The following ZNF230 variants were observed in gnomAD, a reference collection of about 807,000 sequenced individuals.
ZNF230 encodes the protein zinc finger protein FDZF2.
Under a neutral mutation model 10.0 loss-of-function variants are expected in ZNF230, and 12 were observed. The observed-to-expected ratio is 1.20, with a 90% confidence interval of 0.77 to 1.95. The LOEUF is 1.95. Among genes scored for constraint, ZNF230 ranks in the 30% most tolerant of loss-of-function variants. The pLI is 0.00. For missense variants in ZNF230, 532 were observed against 565.8 expected (o/e 0.94, Z 0.61); for synonymous variants, 174 against 193.6 (o/e 0.90, Z 0.84).
At chr19:44,003,448 G>A (rs1187465448) in intron 1 of ZNF230, 1 of 152,244 alleles carries the variant, frequency 6.6e-6, no homozygotes, top group Non-Finnish European at 1.5e-5. Flanking sequence ...TTGGTGACTG[G>A]TGGTCTCTTG....
At position 44,012,522 on chromosome 19, in the gene ZNF230, G is replaced by T; in HGVS notation, c.*1058G>T. ...GAACTCTTGTAAATTGTGCAGTAGG[G>T]TTGCAAACAGAACTTACGCTTGTCA... On this transcript the variant is annotated 3_prime_UTR_variant, in exon 5 of 5. Coordinates refer to ENST00000429154, the MANE Select transcript of ZNF230 (RefSeq NM_006300.4). 1 of 513,754 alleles carries T rather than the reference G, an allele frequency of 1.9e-6. No individual in the cohort carries two copies. The highest frequency in any genetic ancestry group is 1.9e-5 in the African/African-American group (1 of 51,852). The allele number at this position is 513,754 out of a possible 1,614,324, so 31.8% of individuals were successfully genotyped here.
chr19:44,012,620 T>C lies in ZNF230; in HGVS notation c.*1156T>C. 1 of 398,404 alleles carries C rather than the reference T, an allele frequency of 2.5e-6. No individual in the cohort carries two copies. The highest frequency in any genetic ancestry group is 4.9e-6 in the Non-Finnish European group (1 of 203,248). 24.7% of individuals were successfully genotyped at this position (398,404 alleles called of 1,614,324 possible). On this transcript the variant is annotated 3_prime_UTR_variant, in exon 5 of 5. Transcript: ENST00000429154. ...ACCCTAATGATGAACATGTCAAAAG[T>C]GGTGACCACTAGAATGTCAACTACA...
At position 44,009,106 on chromosome 19, in the gene ZNF230, C is replaced by T; in HGVS notation, c.165C>T (p.Phe55=). The T allele has an allele frequency of 6.2e-7, 1 of 1,614,184 alleles. No homozygotes were observed. Among genetic ancestry groups the T allele is most frequent in the Non-Finnish European group, 8.5e-7 (1 of 1,180,028 alleles). Residue 55 remains phenylalanine, a synonymous_variant, in exon 4 of 5, where the codon TTC becomes TTT. Transcript: ENST00000429154. ...LSVGHQPFHP[F]HFLREEKFWM... ...CAGGGCATCAACCATTCCACCCTTT[C>T]CACTTCCTAAGGGAAGAAAAGTTTT...
At position 44,010,186 on chromosome 19, in the gene ZNF230, A is replaced by T. The variant is rs543252002; in HGVS notation, c.230-83A>T. 5 of 1,299,666 alleles carry T rather than the reference A, an allele frequency of 3.8e-6. No homozygotes were observed. The African/African-American group carries it at 7.4e-5, about 19-fold the overall frequency. 80.5% of individuals were successfully genotyped at this position (1,299,666 alleles called of 1,614,324 possible). A position where few individuals can be genotyped will look rare whatever the true frequency, so the allele number is the denominator to read the frequency against. ...TAAACTGAACATTCATTAAAGTTGAATGCCATATCCTAAGTGTGAAATCTT... is the reference window on the plus strand; with the variant it reads ...TAAACTGAACATTCATTAAAGTTGATTGCCATATCCTAAGTGTGAAATCTT... On this transcript the variant is annotated intron_variant, in intron 4 of 4. Transcript: ENST00000429154.
At position 44,010,837 on chromosome 19, in the gene ZNF230, G is replaced by C; in HGVS notation, c.798G>C (p.Gln266His). The C allele has an allele frequency of 6.2e-7, 1 of 1,614,196 alleles. No individual in the cohort carries two copies. The highest frequency in any genetic ancestry group is 8.5e-7 in the Non-Finnish European group (1 of 1,180,022). ...KCGRAFIHDF[Q>H]LQKHQIIHTG... ...GGAGGGCCTTCATTCACGATTTCCA[G>C]CTTCAGAAACATCAGATAATTCATA... Residue 266 changes from glutamine to histidine, a missense_variant, in exon 5 of 5, where the codon CAG becomes CAC. Transcript: ENST00000429154.
Position 44,011,030 on chromosome 19 carries a change from AC to A in ZNF230, c.992del (p.Thr331LysfsTer22), listed in dbSNP as rs770418306. 9 of 1,614,110 alleles carry A rather than the reference AC, an allele frequency of 5.6e-6. No individual in the cohort carries two copies. The Admixed American group carries it at 1.5e-4, about 27-fold the overall frequency. On this transcript the variant is annotated frameshift_variant, in exon 5 of 5. Transcript: ENST00000429154. LOFTEE classifies it low-confidence loss of function (END_TRUNC). ...LDLHKHQIIH[T>X]GQKPYNCKEC... ...TTTGCATAAGCATCAGATAATTCACACAGGACAGAAACCGTACAATTGTAAA... is the reference window on the plus strand; with the variant it reads ...TTTGCATAAGCATCAGATAATTCACAAGGACAGAAACCGTACAATTGTAAA...
At position 44,010,431 on chromosome 19, in the gene ZNF230, C is replaced by T; in HGVS notation, c.392C>T (p.Ser131Phe). ...DVPSQVEAGL[S>F]IIHTGQKPSQ... ...CCCTCCCAGGTTGAGGCAGGACTATCTATAATTCATACAGGACAGAAACCT... is the reference window on the plus strand; with the variant it reads ...CCCTCCCAGGTTGAGGCAGGACTATTTATAATTCATACAGGACAGAAACCT... Residue 131 changes from serine (S) to phenylalanine (F), a missense_variant, in exon 5 of 5, where the codon TCT becomes TTT. Ser to Phe is a radical substitution (Grantham distance 155). Transcript: ENST00000429154. The T allele has an allele frequency of 6.2e-7, 1 of 1,614,246 alleles. No individual in the cohort carries two copies. Among genetic ancestry groups the T allele is most frequent in the Non-Finnish European group, 8.5e-7 (1 of 1,180,046 alleles).
chr19:44,009,459 T>C (rs1976153575), intron 4 of ZNF230: 1 of 518,586 alleles, frequency 1.9e-6, no homozygotes, highest in South Asian at 3.1e-5. Flanking sequence ...TTTATTGGCT[T>C]TTAGAGACCC....
chr19:44,013,352 A>G lies in ZNF230; in HGVS notation c.*1888A>G, dbSNP rs547899480. 5 of 152,312 alleles carry G rather than the reference A, an allele frequency of 3.3e-5. No individual in the cohort carries two copies. The highest frequency in any genetic ancestry group is 1.2e-4 in the African/African-American group (5 of 41,566). 9.4% of individuals were successfully genotyped at this position (152,312 alleles called of 1,614,324 possible). On this transcript the variant is annotated 3_prime_UTR_variant, in exon 5 of 5. Coordinates refer to ENST00000429154, the MANE Select transcript of ZNF230 (RefSeq NM_006300.4). ...TGTATCCATGATTGGGGTAGGAGTG[A>G]CATTTACATGCTCTTCTTTATTGTT... is the stretch of plus-strand genomic sequence containing the variant.
chr19:44,008,430 AG>A (rs1976141544), intron 2 of ZNF230, among the ~76,000 whole-genome samples: 1 of 152,184 alleles, frequency 6.6e-6, no homozygotes, highest in Admixed American at 6.5e-5. Flanking sequence ...GGTCTGAGAG[AG>A]GAGGACAATA....
intron 1 of ZNF230, chr19:44,004,289 A>C (rs957589478): frequency 3.3e-5 from 5 of 152,220 alleles, no homozygotes; most frequent in Non-Finnish European, 7.3e-5. Flanking sequence ...AAAGGTAGTA[A>C]CTGTTAAGCT....
intron 2 of ZNF230, among the ~76,000 whole-genome samples, chr19:44,007,732 C>A (rs1457581906): frequency 6.6e-6 from 1 of 152,212 alleles, no homozygotes; most frequent in Admixed American, 6.5e-5. Context: ...GAGGGGTGGC[C>A]TGTGTCCCGC....
In ZNF230 at chr19:44,010,305, A is replaced by C. The variant is rs759465343; in HGVS notation, c.266A>C (p.Asp89Ala). Residue 89 changes from aspartate (D) to alanine (A), a missense_variant, in exon 5 of 5, where the codon GAC becomes GCC. By Grantham distance (126) the Asp-to-Ala change is moderately radical. Coordinates refer to ENST00000429154, the MANE Select transcript of ZNF230 (RefSeq NM_006300.4). ...ATTGCGGAAGCAGGACCACATGAAG[A>C]CTGCCCTTGCCAGCAAATCTGGGAA... Reference protein sequence around the residue: ...KTIAEAGPHEDCPCQQIWEQT... With the variant: ...KTIAEAGPHEACPCQQIWEQT... The C allele has an allele frequency of 6.2e-7, 1 of 1,613,216 alleles. No individual in the cohort carries two copies. Among genetic ancestry groups the C allele is most frequent in the Non-Finnish European group, 8.5e-7 (1 of 1,179,504 alleles).
In ZNF230 at chr19:44,008,928, C is replaced by T; in HGVS notation, c.142+12C>T. The T allele has an allele frequency of 6.2e-7, 1 of 1,613,094 alleles. No individual in the cohort carries two copies. Among genetic ancestry groups the T allele is most frequent in the Non-Finnish European group, 8.5e-7 (1 of 1,179,366 alleles). On this transcript the variant is annotated intron_variant, in intron 3 of 4. Coordinates refer to ENST00000429154, the MANE Select transcript of ZNF230 (RefSeq NM_006300.4). Reference sequence around the variant, plus strand: ...CCTGCTGTCAGTGGGTGAGCACAGGCACCCTCTGTAATGGTACATCAGGCC... The same window carrying T: ...CCTGCTGTCAGTGGGTGAGCACAGGTACCCTCTGTAATGGTACATCAGGCC...
In ZNF230 at chr19:44,012,236, C is replaced by T; in HGVS notation, c.*772C>T. The T allele has an allele frequency of 2.7e-6, 1 of 366,408 alleles. No homozygotes were observed. The highest frequency in any genetic ancestry group is 5.3e-6 in the Non-Finnish European group (1 of 187,304). The allele number at this position is 366,408 out of a possible 1,614,324, so 22.7% of individuals were successfully genotyped here. A position where few individuals can be genotyped will look rare whatever the true frequency, so the allele number is the denominator to read the frequency against. ...ACTGCACCAGAGTGTCCACGTTGGACAGAATCCTTAGTAATGAGGTGTGTG... is the reference window on the plus strand; with the variant it reads ...ACTGCACCAGAGTGTCCACGTTGGATAGAATCCTTAGTAATGAGGTGTGTG... On this transcript the variant is annotated 3_prime_UTR_variant, in exon 5 of 5. Transcript: ENST00000429154.
chr19:44,013,898 T>G lies in ZNF230; in HGVS notation c.*2434T>G, dbSNP rs1976215038. The G allele has an allele frequency of 6.6e-6, 1 of 152,174 alleles. No homozygotes were observed. Among genetic ancestry groups the G allele is most frequent in the South Asian group, 2.1e-4 (1 of 4,836 alleles). 9.4% of individuals were successfully genotyped at this position (152,174 alleles called of 1,614,324 possible). ...CACTTACCTACCAGGACTCAGAATC[T>G]CAGAATAAAATTGCTCTATATTGTC... is the stretch of plus-strand genomic sequence containing the variant. On this transcript the variant is annotated 3_prime_UTR_variant, in exon 5 of 5. Coordinates refer to ENST00000429154, the MANE Select transcript of ZNF230 (RefSeq NM_006300.4).
intron 2 of ZNF230, 85 bp downstream of exon 2, chr19:44,007,178 C>G: frequency 7.2e-7 from 1 of 1,394,972 alleles, no homozygotes; most frequent in Non-Finnish European, 9.9e-7. Context: ...TGGGAAGACT[C>G]AAGGAGGAAA....
chr19:44,008,856 G>C lies in ZNF230; in HGVS notation c.82G>C (p.Ala28Pro), dbSNP rs1027786872. 4.3e-6 allele frequency: 7 copies of C among 1,614,066 alleles called. No individual in the cohort carries two copies. The highest frequency in any genetic ancestry group is 5.9e-6 in the Non-Finnish European group (7 of 1,179,992). ...TEEELGLLDP[A>P]QRKLYQDVML... ...GGAGGAACTGGGGCTACTGGACCCT[G>C]CCCAGAGGAAGCTGTACCAAGACGT... The change falls in exon 3 of 5, where the codon GCC (alanine) becomes CCC (proline). Residue 28 changes from alanine (A) to proline (P), a missense_variant. Ala to Pro is a conservative substitution (Grantham distance 27, BLOSUM62 -1). Transcript: ENST00000429154.
Position 44,009,085 on chromosome 19 carries a change from G to C in ZNF230, c.144G>C (p.Gly48=), listed in dbSNP as rs1976148420. ...GCACATGACTTTGCATGTTCACAGG[G>C]CATCAACCATTCCACCCTTTCCACT... ...LENFTNLLSV[G]HQPFHPFHFL... The change falls in exon 4 of 5, where the codon GGG becomes GGC. Residue 48 remains glycine, a splice_region_variant and synonymous_variant. Coordinates refer to ENST00000429154, the MANE Select transcript of ZNF230 (RefSeq NM_006300.4). 1.2e-6 allele frequency: 2 copies of C among 1,614,012 alleles called. No individual in the cohort carries two copies. The highest frequency in any genetic ancestry group is 2.7e-5 in the African/African-American group (2 of 74,932).
Sources: allele counts gnomAD v4.1 joint callset (sites outside exome capture counted in the v4.1 genomes callset), GRCh38; gene constraint gnomAD v4.1.1; transcripts MANE v1.5; gene names NCBI Gene and HGNC (gene_info 2026-07-23, HGNC 2026-07-21).